The following PDIA4 variants were observed in gnomAD, a reference collection of about 807,000 sequenced individuals.
The protein encoded by PDIA4 is protein disulfide isomerase family A member 4.
Under a neutral mutation model 62.1 loss-of-function variants are expected in PDIA4, and 33 were observed. The ratio of observed to expected loss-of-function variants is 0.53; its 90% confidence interval spans 0.40 to 0.71. The LOEUF (loss-of-function observed/expected upper bound fraction) is 0.71. Among genes scored for constraint, PDIA4 ranks in the 30% least tolerant of loss-of-function variants. The probability of loss-of-function intolerance (pLI) is 0.00; values close to 1 mark genes in which losing one functional copy is unlikely to be tolerated. For missense variants in PDIA4, 804 were observed against 813.6 expected (o/e 0.99, Z 0.14); for synonymous variants, 341 against 324.1 (o/e 1.05, Z -0.56).
chr7:149,004,590 T>C (rs1823675646), intron 9 of PDIA4, among the ~76,000 whole-genome samples: 1 of 152,198 alleles, frequency 6.6e-6, no homozygotes, highest in Non-Finnish European at 1.5e-5. Flanking sequence ...TGGCCAGCGC[T>C]GGGGGCCTGG....
At position 149,003,307 on chromosome 7, in the gene PDIA4, C is replaced by T; in HGVS notation, c.*487G>A. 1 of 152,750 alleles carries T rather than the reference C, an allele frequency of 6.5e-6. No homozygotes were observed. The highest frequency in any genetic ancestry group is 1.9e-4 in the East Asian group (1 of 5,194). 9.5% of individuals were successfully genotyped at this position (152,750 alleles called of 1,614,324 possible). A position where few individuals can be genotyped will look rare whatever the true frequency, so the allele number is the denominator to read the frequency against. On this transcript the variant is annotated 3_prime_UTR_variant, in exon 10 of 10. Coordinates refer to ENST00000652332, the MANE Select transcript of PDIA4 (RefSeq NM_004911.5). ...CCGCCTGGCGATGCCCAGCCTGAAACAGCACCCCTGGCAGGGCTGCTCAGT... is the reference window on the plus strand; with the variant it reads ...CCGCCTGGCGATGCCCAGCCTGAAATAGCACCCCTGGCAGGGCTGCTCAGT...
At chr7:149,006,227 T>C (rs1344948944) in intron 7 of PDIA4, 174 bp from the exon 8 acceptor site, 2 of 575,200 alleles carry the variant, frequency 3.5e-6, no homozygotes, top group Non-Finnish European at 5.7e-6. Context: ...CCCTACCGTC[T>C]TTTGGGGCTC....
At chr7:149,013,830 C>T (rs985633412) in intron 4 of PDIA4, among the ~76,000 whole-genome samples, 2 of 152,186 alleles carry the variant, frequency 1.3e-5, no homozygotes, top group Non-Finnish European at 2.9e-5. Context: ...ACTCGCTGAG[C>T]GTGCACTGTG....
At position 149,014,847 on chromosome 7, in the gene PDIA4, C is replaced by T; in HGVS notation, c.614+57G>A. 1.0e-5 allele frequency: 16 copies of T among 1,572,246 alleles called. No individual in the cohort carries two copies. The South Asian group carries it at 1.8e-4, about 18-fold the overall frequency. ...TGCCTCACGGGCAGGGGCCTGCCAC[C>T]CCGCACCTAGTGCCCACCAGGGTAC... On this transcript the variant is annotated intron_variant, in intron 4 of 9. Transcript: ENST00000652332.
intron 3 of PDIA4, 114 bp from the exon 4 acceptor site, chr7:149,015,156 C>A: frequency 9.5e-7 from 1 of 1,048,792 alleles, no homozygotes; most frequent in Non-Finnish European, 1.4e-6. Context: ...CCCACAAGAA[C>A]AGGAGGTGTC....
intron 6 of PDIA4, among the ~76,000 whole-genome samples, chr7:149,011,024 G>A (rs562704481): frequency 5.3e-5 from 8 of 152,336 alleles, no homozygotes; most frequent in Middle Eastern, 3.4e-3. Flanking sequence ...ACAGATGAAG[G>A]GAATTTAGCT....
intron 3 of PDIA4, among the ~76,000 whole-genome samples, chr7:149,018,202 C>T (rs185176584): frequency 1.3e-5 from 2 of 151,738 alleles, no homozygotes; most frequent in Admixed American, 1.3e-4. Flanking sequence ...GCACTCCAGC[C>T]TGGGCAACAG....
At chr7:149,020,862 C>T in intron 2 of PDIA4, 105 bp downstream of exon 2, 1 of 1,476,054 alleles carries the variant, frequency 6.8e-7, no homozygotes, top group Non-Finnish European at 9.0e-7. Flanking sequence ...TTCCTGCACC[C>T]AGACACTCCT....
At chr7:149,028,298 C>T in intron 1 of PDIA4, 23 bp downstream of exon 1, 3 of 1,504,008 alleles carry the variant, frequency 2.0e-6, no homozygotes, top group South Asian at 1.2e-5. Flanking sequence ...CACAGCCCGA[C>T]CCGCGGCGCG....
At chr7:149,027,245 G>T (rs1366259378) in intron 1 of PDIA4, among the ~76,000 whole-genome samples, 1 of 152,160 alleles carries the variant, frequency 6.6e-6, no homozygotes, top group African/African-American at 2.4e-5. Flanking sequence ...TTGGGTAAAG[G>T]TCTCAAGACA....
chr7:149,008,425 G>A, intron 6 of PDIA4, 115 bp from the exon 7 acceptor site: 1 of 1,077,454 alleles, frequency 9.3e-7, no homozygotes, highest in Non-Finnish European at 1.4e-6. Flanking sequence ...TGTAGGCTGG[G>A]CGCGGTGGCT....
chr7:149,027,535 A>G (rs1229840348), intron 1 of PDIA4, among the ~76,000 whole-genome samples: 1 of 152,264 alleles, frequency 6.6e-6, no homozygotes, highest in Non-Finnish European at 1.5e-5. Flanking sequence ...CAGTACCTGG[A>G]TGCCTTATTC....
At chr7:149,007,081 G>C (rs1015808923) in intron 7 of PDIA4, among the ~76,000 whole-genome samples, 27 of 152,256 alleles carry the variant, frequency 1.8e-4, no homozygotes, top group Non-Finnish European at 3.5e-4. Flanking sequence ...AGTGAAGCTG[G>C]GGGGAGGGGT....
intron 1 of PDIA4, among the ~76,000 whole-genome samples, chr7:149,022,610 G>C (rs1009125483): frequency 5.3e-5 from 8 of 152,108 alleles, no homozygotes; most frequent in Admixed American, 2.6e-4. Context: ...GCTAGTTACT[G>C]TTTTGGGCTG....
intron 4 of PDIA4, among the ~76,000 whole-genome samples, chr7:149,014,055 TTC>T (rs956024846): frequency 5.9e-5 from 9 of 152,204 alleles, no homozygotes; most frequent in African/African-American, 2.2e-4. Context: ...GATCATTTCC[TTC>T]TCTAACCACC....
At chr7:149,016,222 G>A (rs750253960) in intron 3 of PDIA4, among the ~76,000 whole-genome samples, 57 of 152,238 alleles carry the variant, frequency 3.7e-4, no homozygotes, top group Non-Finnish European at 5.1e-4. Flanking sequence ...CTTGAACCCC[G>A]GAGGTGGAGG....
At chr7:149,006,308 T>C (rs938073028) in intron 7 of PDIA4, 8 of 418,994 alleles carry the variant, frequency 1.9e-5, no homozygotes, top group African/African-American at 2.1e-5. Context: ...CTTGGGGGTG[T>C]AGGCTCACTA....
At chr7:149,015,647 T>A (rs1468305765) in intron 3 of PDIA4, among the ~76,000 whole-genome samples, 1 of 152,164 alleles carries the variant, frequency 6.6e-6, no homozygotes, top group Non-Finnish European at 1.5e-5. Context: ...GAACAATAAA[T>A]TCGTACAAAA....
rs576524131 is a variant in PDIA4, at chr7:149,005,865, C to G, written c.1288+32G>C. On this transcript the variant is annotated intron_variant, in intron 8 of 9. Coordinates refer to ENST00000652332, the MANE Select transcript of PDIA4 (RefSeq NM_004911.5). Reference sequence around the variant, plus strand: ...TGAAAGAACGAGTCCCCCCACCCCCCACCCCCGCAGGTCTTGGTGGGGGTC... The same window carrying G: ...TGAAAGAACGAGTCCCCCCACCCCCGACCCCCGCAGGTCTTGGTGGGGGTC... 13 of 1,456,858 alleles carry G rather than the reference C, an allele frequency of 8.9e-6. No individual in the cohort carries two copies. The South Asian group carries it at 1.0e-4, about 12-fold the overall frequency. The allele number at this position is 1,456,858 out of a possible 1,614,324, so 90.2% of individuals were successfully genotyped here. A position where few individuals can be genotyped will look rare whatever the true frequency, so the allele number is the denominator to read the frequency against.
Sources: gnomAD v4.1 joint callset for allele counts (sites outside exome capture counted in the v4.1 genomes callset) on GRCh38, gnomAD v4.1.1 for gene constraint, MANE v1.5 for transcripts, NCBI Gene and HGNC (gene_info 2026-07-23, HGNC 2026-07-21) for gene names.